KCNIP1: variants seen among roughly 807,000 people sequenced by gnomAD.
KCNIP1 encodes A-type potassium channel modulatory protein KCNIP1.
In KCNIP1, 18 loss-of-function variants were observed where a neutral mutation model predicts 33.0. That is an observed-to-expected ratio of 0.55 (90% CI 0.38 to 0.81). The LOEUF (loss-of-function observed/expected upper bound fraction) is 0.81. Ranked by LOEUF, KCNIP1 falls within the 30% of genes least tolerant of loss-of-function variation. KCNIP1 has a pLI of 0.00. For synonymous variants in KCNIP1, 93 were observed against 98.3 expected (o/e 0.95, Z 0.32); for missense variants, 238 against 271.6 (o/e 0.88, Z 0.87).
chr5:170,489,262 A>C lies in KCNIP1; in HGVS notation c.88+135298A>C, dbSNP rs548278174. 3.5e-4 allele frequency among the ~76,000 whole-genome samples: 54 copies of C among 152,356 alleles called. No individual in the cohort carries two copies. The highest frequency in any genetic ancestry group is 6.9e-4 in the Non-Finnish European group (47 of 68,028). On this transcript the variant is annotated intron_variant, in intron 1 of 7. Transcript: ENST00000377360. This position sits in a 1 kb window ranked among gnomAD's most constrained non-coding sequence, Gnocchi z 4.3. Reference sequence around the variant, plus strand: ...AAGATGGAGGACTGCTGGCAGAAACAGACAGAAATTTCCCTTGAGAAGGAG... The same window carrying C: ...AAGATGGAGGACTGCTGGCAGAAACCGACAGAAATTTCCCTTGAGAAGGAG...
At chr5:170,457,315 G>GCCA (rs914799873) in intron 1 of KCNIP1, among the ~76,000 whole-genome samples, 9 of 152,090 alleles carry the variant, frequency 5.9e-5, no homozygotes, top group African/African-American at 2.2e-4. Flanking sequence ...AACTGCAGGG[G>GCCA]CCACCACCAC....
intron 1 of KCNIP1, among the ~76,000 whole-genome samples, chr5:170,374,071 A>G (rs1002277873): frequency 6.6e-6 from 1 of 152,212 alleles, no homozygotes; most frequent in Non-Finnish European, 1.5e-5. Flanking sequence ...TTCTCACATA[A>G]CAGCCTGTGC....
intron 1 of KCNIP1, among the ~76,000 whole-genome samples, chr5:170,539,464 G>A (rs1014071796): frequency 6.6e-6 from 1 of 152,072 alleles, no homozygotes; most frequent in Non-Finnish European, 1.5e-5. Flanking sequence ...AGACCTGCCC[G>A]TGGGTTGCAA....
intron 1 of KCNIP1, among the ~76,000 whole-genome samples, chr5:170,633,683 G>GGGGGC (rs1157270441): frequency 8.6e-6 from 1 of 116,902 alleles, no homozygotes; most frequent in African/African-American, 3.3e-5. Flanking sequence ...GGCGGAAGGA[G>GGGGGC]GGGGCGGGGC....
chr5:170,360,646 G>A (rs1763483636), intron 1 of KCNIP1, among the ~76,000 whole-genome samples: 1 of 152,062 alleles, frequency 6.6e-6, no homozygotes. Flanking sequence ...CCTGCCCCCA[G>A]TCACTCTTGA....
intron 1 of KCNIP1, 95 bp from the exon 2 acceptor site, chr5:170,718,663 A>G: frequency 6.8e-7 from 1 of 1,460,740 alleles, no homozygotes; most frequent in South Asian, 1.2e-5. Flanking sequence ...CCTAGATCCC[A>G]GGTCGTGACA....
chr5:170,665,164 A>T (rs911547032), intron 1 of KCNIP1, among the ~76,000 whole-genome samples: 1 of 152,196 alleles, frequency 6.6e-6, no homozygotes, highest in Admixed American at 6.5e-5. Context: ...GGGGCAATTG[A>T]TTTAAAGAAC....
chr5:170,354,004 A>G (rs1763279886), intron 1 of KCNIP1: 1 of 1,576,038 alleles, frequency 6.3e-7, no homozygotes, highest in Admixed American at 1.7e-5. Context: ...CTGTCTTGAT[A>G]TGGCCTGGCT....
chr5:170,615,170 G>A (rs1054667552), intron 1 of KCNIP1, among the ~76,000 whole-genome samples: 9 of 152,272 alleles, frequency 5.9e-5, no homozygotes, highest in East Asian at 3.9e-4. Context: ...CGCCAAGATC[G>A]CGCCACTGCA....
chr5:170,536,743 G>A (rs550980249), intron 1 of KCNIP1, among the ~76,000 whole-genome samples: 83 of 152,238 alleles, frequency 5.5e-4, no homozygotes, highest in African/African-American at 1.6e-3. Context: ...GCAGTGCACC[G>A]GAGTTAAAAA....
At chr5:170,500,485 C>A (rs1240958470), upstream of KCNIP1, among the ~76,000 whole-genome samples, 1 of 146,382 alleles carries the variant, frequency 6.8e-6, no homozygotes, top group East Asian at 1.9e-4. Flanking sequence ...GACAACAGGA[C>A]AAATGGCTCC....
intron 1 of KCNIP1, among the ~76,000 whole-genome samples, chr5:170,471,370 C>T (rs73311776): frequency 0.017 from 2,599 of 152,316 alleles, 77 homozygotes; most frequent in African/African-American, 0.059. Context: ...CCAGAAGAAA[C>T]CACTGTTTGG....
At chr5:170,427,277 G>A (rs925774950) in intron 1 of KCNIP1, among the ~76,000 whole-genome samples, 2 of 152,208 alleles carry the variant, frequency 1.3e-5, no homozygotes, top group Admixed American at 6.5e-5. Flanking sequence ...TGCATTCCCA[G>A]CCCCTCCTGC....
intron 1 of KCNIP1, among the ~76,000 whole-genome samples, chr5:170,679,881 A>C (rs77414764): frequency 0.014 from 2,133 of 152,222 alleles, 46 homozygotes; most frequent in African/African-American, 0.048. Flanking sequence ...AAGTTCTTTC[A>C]GTCTTTTACT....
At chr5:170,516,686 GGT>G (rs919411515) in intron 1 of KCNIP1, among the ~76,000 whole-genome samples, 1 of 152,188 alleles carries the variant, frequency 6.6e-6, no homozygotes, top group African/African-American at 2.4e-5. Flanking sequence ...AAAAAGATAT[GGT>G]GTGTTGGGTG....
intron 1 of KCNIP1, among the ~76,000 whole-genome samples, chr5:170,529,637 C>T (rs767106870): frequency 7.9e-5 from 12 of 152,322 alleles, no homozygotes; most frequent in Admixed American, 1.3e-4. Context: ...CTTTGCAGGG[C>T]GCCTGCTTCC....
chr5:170,638,495 G>A (rs1159111977), intron 1 of KCNIP1, among the ~76,000 whole-genome samples: 1 of 152,164 alleles, frequency 6.6e-6, no homozygotes, highest in African/African-American at 2.4e-5. Context: ...CATAGTCTAA[G>A]GTCTTGACCG....
At chr5:170,617,012 G>T (rs935926454) in intron 1 of KCNIP1, among the ~76,000 whole-genome samples, 1 of 151,444 alleles carries the variant, frequency 6.6e-6, no homozygotes, top group African/African-American at 2.4e-5. Flanking sequence ...CTAATCTGTC[G>T]CCTCCACCAA....
chr5:170,626,874 G>GGTTCCGT (rs56811019), intron 1 of KCNIP1, among the ~76,000 whole-genome samples: 2 of 151,526 alleles, frequency 1.3e-5, no homozygotes, highest in South Asian at 4.2e-4. Flanking sequence ...GTGGGCAGCA[G>GGTTCCGT]GCCTTCTCAA....
Sources: gnomAD v4.1 joint callset for allele counts (sites outside exome capture counted in the v4.1 genomes callset) on GRCh38, gnomAD v4.1.1 for gene constraint, Gnocchi (gnomAD v3.1) non-coding constraint, MANE v1.5 for transcripts, NCBI Gene and HGNC (gene_info 2026-07-23, HGNC 2026-07-21) for gene names.